The following AKAP6 variants were observed in gnomAD, a reference collection of about 807,000 sequenced individuals.
AKAP6 encodes A-kinase anchoring protein 6.
AKAP6 carries 58 observed loss-of-function variants against 188.5 expected under a neutral mutation model. The ratio of observed to expected loss-of-function variants is 0.31; its 90% CI spans 0.25 to 0.38. The LOEUF is 0.38. Ranked by LOEUF, AKAP6 falls within the 10% of genes least tolerant of loss-of-function variation. The pLI is 1.00. For synonymous variants in AKAP6, 989 were observed against 998.6 expected (o/e 0.99, Z 0.18); for missense variants, 2,710 against 2,740.0 (o/e 0.99, Z 0.24).
intron 7 of AKAP6, among the ~76,000 whole-genome samples, chr14:32,634,402 C>T (rs1329190061): frequency 6.6e-6 from 1 of 152,060 alleles, no homozygotes; most frequent in African/African-American, 2.4e-5. Flanking sequence ...CCTAACCAAA[C>T]TTCAACTTTG....
chr14:32,625,081 A>AAG (rs1886962892), intron 7 of AKAP6, among the ~76,000 whole-genome samples: 1 of 152,130 alleles, frequency 6.6e-6, no homozygotes, highest in South Asian at 2.1e-4. Flanking sequence ...TTTGTTTTCA[A>AAG]TTCCTGCAAA....
chr14:32,825,231 A>T (rs1470662677), intron 13 of AKAP6, among the ~76,000 whole-genome samples: 1 of 152,200 alleles, frequency 6.6e-6, no homozygotes, highest in Non-Finnish European at 1.5e-5. Flanking sequence ...GTGCCTGCAG[A>T]TGAACAATGA....
Position 32,534,170 on chromosome 14 carries a change from A to G in AKAP6, c.325-1384A>G, listed in dbSNP as rs191454812. On this transcript the variant is annotated intron_variant, in intron 2 of 13. Transcript: ENST00000280979. ...CTCTTTAAAAAAGTAACTGAATTAC[A>G]TGAAATCAGAAGGTTATGTTTCCAG... 6.0e-4 allele frequency among the ~76,000 whole-genome samples: 92 copies of G among 152,330 alleles called. 1 individual carries two copies. The highest frequency in any genetic ancestry group is 2.2e-3 in the African/African-American group (92 of 41,586).
rs185752480 is a variant in AKAP6 at position 32,627,242 on chromosome 14, T to A, written c.2730+26450T>A. The stretch of plus-strand genomic sequence containing the variant: ...CTTTATTCTTTGAATAATCTCTTAC[T>A]AAAGTAAATAATCAGCGTGAAAATC... On this transcript the variant is annotated intron_variant, in intron 7 of 13. Transcript: ENST00000280979. Among the ~76,000 whole-genome samples, 490 of 152,246 alleles carry A rather than the reference T, an allele frequency of 3.2e-3. 1 individual carries two copies. The highest frequency in any genetic ancestry group is 6.8e-3 in the Middle Eastern group (2 of 294).
rs570274592 is a variant in AKAP6, at chr14:32,540,355, C to T, written c.576+4550C>T. On this transcript the variant is annotated intron_variant, in intron 3 of 13. Transcript: ENST00000280979. ...CTGGGATTACAGGCACATGCCACCACGCCCAGCTAATTTTTGTATTTTTAG... is the reference window on the plus strand; with the variant it reads ...CTGGGATTACAGGCACATGCCACCATGCCCAGCTAATTTTTGTATTTTTAG... Among the ~76,000 whole-genome samples, 275 of 151,620 alleles carry T rather than the reference C, an allele frequency of 1.8e-3. 2 individuals carry two copies. Among genetic ancestry groups the T allele is most frequent in the Non-Finnish European group, 2.3e-3 (158 of 67,872 alleles).
At chr14:32,487,020 G>A (rs1470782360) in intron 2 of AKAP6, among the ~76,000 whole-genome samples, 2 of 152,140 alleles carry the variant, frequency 1.3e-5, no homozygotes, top group Non-Finnish European at 2.9e-5. Context: ...AGTGTTTTTA[G>A]CATGAAGTGG....
intron 2 of AKAP6, among the ~76,000 whole-genome samples, chr14:32,499,328 C>CAAAAAAAAAAAA (rs71432061): frequency 5.4e-5 from 6 of 111,046 alleles, no homozygotes; most frequent in East Asian, 2.7e-4. Flanking sequence ...AGTGTAACAG[C>CAAAAAAAAAAAA]AAAAAAAAAA....
At chr14:32,490,456 C>T (rs1039658396) in intron 2 of AKAP6, among the ~76,000 whole-genome samples, 6 of 152,134 alleles carry the variant, frequency 3.9e-5, no homozygotes, top group South Asian at 2.1e-4. Flanking sequence ...ATCAATCCAA[C>T]GTGGATATAT....
At chr14:32,582,514 T>C (rs1885023799) in intron 5 of AKAP6, among the ~76,000 whole-genome samples, 1 of 152,186 alleles carries the variant, frequency 6.6e-6, no homozygotes, top group African/African-American at 2.4e-5. Context: ...TGGCGTTCTC[T>C]GTATTTCCTG....
chr14:32,686,624 T>C (rs180784008), intron 8 of AKAP6, among the ~76,000 whole-genome samples: 51 of 152,130 alleles, frequency 3.4e-4, no homozygotes, highest in African/African-American at 1.2e-3. Flanking sequence ...ATAAAAAAAG[T>C]AGAAGAGGGA....
intron 4 of AKAP6, among the ~76,000 whole-genome samples, chr14:32,558,462 G>T (rs11845878): frequency 2.6e-5 from 4 of 152,022 alleles, no homozygotes; most frequent in East Asian, 1.9e-4. Context: ...CACAGGAGAG[G>T]GAATACTTGA....
At chr14:32,607,849 C>G (rs1886185557) in intron 7 of AKAP6, among the ~76,000 whole-genome samples, 1 of 152,112 alleles carries the variant, frequency 6.6e-6, no homozygotes, top group Non-Finnish European at 1.5e-5. Context: ...AAACATAGTC[C>G]TGATTTGCAG....
intron 7 of AKAP6, among the ~76,000 whole-genome samples, chr14:32,669,407 T>C (rs1458493888): frequency 6.6e-6 from 1 of 152,168 alleles, no homozygotes; most frequent in African/African-American, 2.4e-5. Flanking sequence ...TGTGAATAAA[T>C]GCCTGTAGAG....
chr14:32,587,160 T>C lies in AKAP6; in HGVS notation c.2469+9918T>C, dbSNP rs150777982. Among the ~76,000 whole-genome samples, 386 of 152,324 alleles carry C rather than the reference T, an allele frequency of 2.5e-3. 8 individuals are homozygous for C. Among genetic ancestry groups the C allele is most frequent in the Non-Finnish European group, 3.8e-4 (26 of 68,028 alleles). On this transcript the variant is annotated intron_variant, in intron 5 of 13. Coordinates refer to ENST00000280979, the MANE Select transcript of AKAP6 (RefSeq NM_004274.5). ...TGAATATCTCTCCATGTTTTTAGAG[T>C]CATCTGTATTTCCTTTTTGAGAACT...
At chr14:32,741,337 T>C (rs1047163316) in intron 11 of AKAP6, among the ~76,000 whole-genome samples, 2 of 152,080 alleles carry the variant, frequency 1.3e-5, no homozygotes, top group Non-Finnish European at 2.9e-5. Context: ...TCTTCTTTTC[T>C]GATTTGGATG....
intron 1 of AKAP6, among the ~76,000 whole-genome samples, chr14:32,426,895 G>C (rs996623421): frequency 3.9e-5 from 6 of 152,176 alleles, no homozygotes; most frequent in Non-Finnish European, 5.9e-5. Flanking sequence ...GATTGATTAA[G>C]TGTGTTATGG....
chr14:32,607,538 C>T (rs764105448), intron 7 of AKAP6, among the ~76,000 whole-genome samples: 3 of 152,198 alleles, frequency 2.0e-5, no homozygotes, highest in Non-Finnish European at 2.9e-5. Context: ...GAACTCTGCA[C>T]TCTGCCCAGT....
intron 8 of AKAP6, among the ~76,000 whole-genome samples, chr14:32,691,268 G>C (rs1048241792): frequency 2.6e-5 from 4 of 152,258 alleles, no homozygotes; most frequent in African/African-American, 9.6e-5. Flanking sequence ...GATAGAATCA[G>C]CATATTCTCC....
chr14:32,630,634 C>T (rs970842611), intron 7 of AKAP6, among the ~76,000 whole-genome samples: 9 of 151,958 alleles, frequency 5.9e-5, no homozygotes, highest in Non-Finnish European at 8.8e-5. Flanking sequence ...ACCTGTTATG[C>T]GAGCCTCTAA....
Sources: allele counts gnomAD v4.1 joint callset (sites outside exome capture counted in the v4.1 genomes callset), GRCh38; gene constraint gnomAD v4.1.1; transcripts MANE v1.5; gene names NCBI Gene and HGNC (gene_info 2026-07-23, HGNC 2026-07-21).